B3GALT1: variants seen among roughly 807,000 people sequenced by gnomAD.
B3GALT1 encodes the protein UDP-Gal:betaGlcNAc beta 1,3-galactosyltransferase, polypeptide 1.
A neutral mutation model predicts 23.2 loss-of-function variants in B3GALT1; 10 were observed. The ratio of observed to expected loss-of-function variants is 0.43; its 90% CI spans 0.27 to 0.73. The LOEUF (loss-of-function observed/expected upper bound fraction) is 0.73, where lower values mean the gene tolerates loss of function less well. Ranked by LOEUF, B3GALT1 falls within the 30% of genes least tolerant of loss-of-function variation. The pLI, the probability that B3GALT1 is intolerant of heterozygous loss-of-function variation, is 0.21. For synonymous variants in B3GALT1, 156 were observed against 141.5 expected (o/e 1.10, Z -0.73); for missense variants, 299 against 405.4 (o/e 0.74, Z 2.25).
chr2:167,631,769 CTTTT>C (rs558837779), intron 2 of B3GALT1, among the ~76,000 whole-genome samples: 4 of 120,592 alleles, frequency 3.3e-5, no homozygotes, highest in African/African-American at 9.4e-5. Flanking sequence ...CTTTTCTTTT[CTTTT>C]TTTTTTTTTT....
intron 1 of B3GALT1, among the ~76,000 whole-genome samples, chr2:167,468,896 A>G (rs1281832675): frequency 6.6e-6 from 1 of 152,204 alleles, no homozygotes; most frequent in Non-Finnish European, 1.5e-5. Flanking sequence ...TCATAATGAA[A>G]TACTTAAAAC....
At chr2:167,688,572 A>G (rs1686655020) in intron 3 of B3GALT1, among the ~76,000 whole-genome samples, 3 of 152,130 alleles carry the variant, frequency 2.0e-5, no homozygotes, top group Non-Finnish European at 4.4e-5. Flanking sequence ...AAAATCAGTT[A>G]AAGGTGGAGC....
Position 167,506,353 on chromosome 2 carries a change from A to G in B3GALT1, c.-410+16076A>G, listed in dbSNP as rs377744770. On this transcript the variant is annotated intron_variant, in intron 2 of 4. Transcript: ENST00000392690. ...CAATGAATGAATGACTTTGAAGCAA[A>G]AAGGAGACTATCTAAAATTAAATAC... Among the ~76,000 whole-genome samples the G allele has an allele frequency of 2.6e-5, 4 of 152,316 alleles. No homozygotes were observed. In the South Asian group the frequency reaches 6.2e-4, roughly 24 times the overall value.
intron 2 of B3GALT1, among the ~76,000 whole-genome samples, chr2:167,628,078 G>T (rs1029506511): frequency 4.0e-5 from 6 of 151,666 alleles, no homozygotes; most frequent in African/African-American, 1.5e-4. Flanking sequence ...TGCAATTTGA[G>T]ATTTCTTTAC....
At chr2:167,346,834 C>T (rs1697229691) in intron 1 of B3GALT1, among the ~76,000 whole-genome samples, 1 of 151,402 alleles carries the variant, frequency 6.6e-6, no homozygotes, top group Admixed American at 6.6e-5. Flanking sequence ...CTCGTCTGAA[C>T]GAATCATTCT....
At chr2:167,832,222 A>G (rs1389632930) in intron 4 of B3GALT1, among the ~76,000 whole-genome samples, 2 of 152,312 alleles carry the variant, frequency 1.3e-5, no homozygotes, top group East Asian at 3.9e-4. Context: ...CTTCCACCAA[A>G]TGGAATTAGA....
intron 2 of B3GALT1, among the ~76,000 whole-genome samples, chr2:167,497,637 T>C (rs912871458): frequency 1.3e-5 from 2 of 151,974 alleles, no homozygotes; most frequent in African/African-American, 4.8e-5. Flanking sequence ...TGAGGGAGAT[T>C]GGAGAAGTCA....
intron 3 of B3GALT1, among the ~76,000 whole-genome samples, chr2:167,775,545 G>A (rs565322747): frequency 1.1e-4 from 16 of 144,530 alleles, no homozygotes; most frequent in Non-Finnish European, 1.5e-4. Context: ...CTCTAGCTGG[G>A]ACAACAGAGT....
intron 2 of B3GALT1, among the ~76,000 whole-genome samples, chr2:167,515,359 T>C (rs1335617733): frequency 2.0e-5 from 3 of 152,148 alleles, no homozygotes; most frequent in African/African-American, 4.8e-5. Flanking sequence ...AAGAAACAAA[T>C]ACTTCAGATG....
chr2:167,389,070 G>A (rs1345715940), intron 1 of B3GALT1, among the ~76,000 whole-genome samples: 1 of 152,018 alleles, frequency 6.6e-6, no homozygotes, highest in Non-Finnish European at 1.5e-5. Flanking sequence ...TTTTTGGCTG[G>A]CAGGAAGAAG....
chr2:167,631,618 T>C (rs573875475), intron 2 of B3GALT1: 9 of 151,744 alleles, frequency 5.9e-5, no homozygotes, highest in African/African-American at 2.2e-4. Flanking sequence ...TAAATAGTCA[T>C]GTTCACCCTC....
intron 2 of B3GALT1, among the ~76,000 whole-genome samples, chr2:167,570,376 G>A (rs867147427): frequency 3.3e-5 from 5 of 151,600 alleles, no homozygotes; most frequent in African/African-American, 1.2e-4. Flanking sequence ...TGTGAGTTTC[G>A]GCAGATTGTG....
chr2:167,778,868 G>A (rs1476344704), intron 3 of B3GALT1, among the ~76,000 whole-genome samples: 1 of 152,164 alleles, frequency 6.6e-6, no homozygotes, highest in Non-Finnish European at 1.5e-5. Flanking sequence ...ACTGAGGGGA[G>A]GGGACCACAC....
At chr2:167,747,081 T>C (rs13388705) in intron 3 of B3GALT1, among the ~76,000 whole-genome samples, 27,426 of 152,082 alleles carry the variant, frequency 0.18, 2,606 homozygotes, top group Non-Finnish European at 0.22. Context: ...GTGTCGACAT[T>C]TTTCCCTTTT....
At chr2:167,528,824 A>G (rs1352717547) in intron 2 of B3GALT1, among the ~76,000 whole-genome samples, 1 of 152,288 alleles carries the variant, frequency 6.6e-6, no homozygotes, top group East Asian at 1.9e-4. Flanking sequence ...TTCTAAACAT[A>G]GAGATCTTAG....
intron 1 of B3GALT1, among the ~76,000 whole-genome samples, chr2:167,335,888 G>A (rs1697051537): frequency 1.3e-5 from 2 of 152,180 alleles, no homozygotes; most frequent in African/African-American, 4.8e-5. Context: ...GTAGGTCTCA[G>A]CCTCATTTTA....
intron 4 of B3GALT1, among the ~76,000 whole-genome samples, chr2:167,833,468 C>T (rs1689392626): frequency 2.6e-5 from 4 of 152,068 alleles, no homozygotes; most frequent in Admixed American, 1.3e-4. Context: ...CCTTAAGATT[C>T]GGAAAGATTC....
At chr2:167,828,861 A>T (rs1174414909) in intron 4 of B3GALT1, among the ~76,000 whole-genome samples, 2 of 152,188 alleles carry the variant, frequency 1.3e-5, no homozygotes, top group Non-Finnish European at 2.9e-5. Flanking sequence ...TGGGACTGAA[A>T]TGCAGGTCTT....
At chr2:167,568,185 T>G (rs980476303) in intron 2 of B3GALT1, among the ~76,000 whole-genome samples, 6 of 152,132 alleles carry the variant, frequency 3.9e-5, no homozygotes, top group African/African-American at 1.4e-4. Context: ...AAAACTGCTA[T>G]AAGGTCTTTG....
Sources: gnomAD v4.1 joint callset for allele counts (sites outside exome capture counted in the v4.1 genomes callset) on GRCh38, gnomAD v4.1.1 for gene constraint, MANE v1.5 for transcripts, NCBI Gene and HGNC (gene_info 2026-07-23, HGNC 2026-07-21) for gene names.